SYT9: variants seen among roughly 807,000 people sequenced by gnomAD.
SYT9 encodes synaptotagmin-9.
Under a neutral mutation model 48.4 loss-of-function variants are expected in SYT9, and 22 were observed. The observed-to-expected ratio is 0.45, with a 90% CI of 0.32 to 0.65. SYT9 has a LOEUF of 0.65. SYT9 is among the 30% of genes least tolerant of loss of function. The pLI is 0.03. For synonymous variants in SYT9, 265 were observed against 245.0 expected (o/e 1.08, Z -0.76); for missense variants, 577 against 622.0 (o/e 0.93, Z 0.77).
chr11:7,437,436 T>A (rs1217802041), intron 6 of SYT9, among the ~76,000 whole-genome samples: 1 of 152,180 alleles, frequency 6.6e-6, no homozygotes, highest in African/African-American at 2.4e-5. Flanking sequence ...TCATTAAAAA[T>A]AGACTACTGG....
chr11:7,295,266 C>T (rs538268657), intron 1 of SYT9, among the ~76,000 whole-genome samples: 1 of 152,372 alleles, frequency 6.6e-6, no homozygotes, highest in African/African-American at 2.4e-5. Flanking sequence ...GAAATAGCTT[C>T]AGCTAAATAT....
At chr11:7,328,266 T>C (rs1589948502) in intron 3 of SYT9, among the ~76,000 whole-genome samples, 2 of 152,170 alleles carry the variant, frequency 1.3e-5, no homozygotes, top group East Asian at 3.9e-4. Context: ...GTGAGATTAG[T>C]ATATTTATGT....
intron 6 of SYT9, among the ~76,000 whole-genome samples, chr11:7,466,127 T>G (rs1400030539): frequency 6.6e-6 from 1 of 152,218 alleles, no homozygotes; most frequent in East Asian, 1.9e-4. Context: ...CTTTATTGCA[T>G]TCTGCCTTTG....
At chr11:7,422,287 A>G (rs1847370840) in intron 6 of SYT9, among the ~76,000 whole-genome samples, 1 of 152,194 alleles carries the variant, frequency 6.6e-6, no homozygotes, top group Non-Finnish European at 1.5e-5. Flanking sequence ...GGGTTTATGG[A>G]TTCTAACCAT....
chr11:7,318,093 C>CTTAT (rs2133959654), intron 3 of SYT9, among the ~76,000 whole-genome samples: 1 of 152,252 alleles, frequency 6.6e-6, no homozygotes, highest in South Asian at 2.1e-4. Flanking sequence ...TCTCCATTTA[C>CTTAT]TTATTCTTTT....
intron 3 of SYT9, among the ~76,000 whole-genome samples, chr11:7,403,254 A>C (rs545125909): frequency 6.6e-6 from 1 of 152,248 alleles, no homozygotes; most frequent in South Asian, 2.1e-4. Flanking sequence ...TCTTTGACCT[A>C]TGGATTATTT....
chr11:7,442,322 G>C (rs1462517489), intron 6 of SYT9, among the ~76,000 whole-genome samples: 1 of 152,192 alleles, frequency 6.6e-6, no homozygotes, highest in East Asian at 1.9e-4. Flanking sequence ...GCTGTGGCCT[G>C]CTTTTGGCTC....
chr11:7,334,325 A>G (rs1849596849), intron 3 of SYT9, among the ~76,000 whole-genome samples: 1 of 152,202 alleles, frequency 6.6e-6, no homozygotes. Flanking sequence ...ACTTTTTTAA[A>G]AAATCACTCT....
intron 6 of SYT9, among the ~76,000 whole-genome samples, chr11:7,449,930 CCT>C: frequency 6.6e-6 from 1 of 152,278 alleles, no homozygotes; most frequent in Middle Eastern, 3.4e-3. Context: ...CACCCCCTCC[CCT>C]GTGCCCAGCT....
upstream of SYT9, among the ~76,000 whole-genome samples, chr11:7,249,150 G>A (rs995591990): frequency 1.3e-5 from 2 of 152,074 alleles, no homozygotes; most frequent in African/African-American, 4.8e-5. Context: ...CAGTGACATC[G>A]GGAATTAGGG....
intron 3 of SYT9, among the ~76,000 whole-genome samples, chr11:7,401,748 T>C (rs995654656): frequency 1.3e-5 from 2 of 151,834 alleles, no homozygotes; most frequent in African/African-American, 2.4e-5. Flanking sequence ...CATTTTTATG[T>C]TGATAATTAA....
chr11:7,331,769 C>T (rs1042273900), intron 3 of SYT9, among the ~76,000 whole-genome samples: 3 of 152,124 alleles, frequency 2.0e-5, no homozygotes, highest in Non-Finnish European at 2.9e-5. Flanking sequence ...AGCAACCCCT[C>T]TATATATGCA....
At chr11:7,299,066 G>A (rs1848865370) in intron 1 of SYT9, among the ~76,000 whole-genome samples, 1 of 151,944 alleles carries the variant, frequency 6.6e-6, no homozygotes, top group Admixed American at 6.5e-5. Context: ...ATTATGTCAC[G>A]ACTATTTTTA....
chr11:7,417,725 A>G (rs1020316510), intron 4 of SYT9, among the ~76,000 whole-genome samples: 4 of 152,222 alleles, frequency 2.6e-5, no homozygotes, highest in African/African-American at 7.2e-5. Flanking sequence ...CTATTTTTAA[A>G]TTACACACAT....
chr11:7,281,459 A>C (rs1040325142), intron 1 of SYT9, among the ~76,000 whole-genome samples: 7 of 152,224 alleles, frequency 4.6e-5, no homozygotes, highest in African/African-American at 1.7e-4. Flanking sequence ...CAAGCCCTTC[A>C]GAATACAGTG....
At chr11:7,427,486 A>G (rs1370885828) in intron 6 of SYT9, 1 of 152,238 alleles carries the variant, frequency 6.6e-6, no homozygotes, top group Non-Finnish European at 1.5e-5. Context: ...ATGTCCTTTC[A>G]TAAGAGAGAA....
chr11:7,315,716 C>G (rs1362461972), intron 3 of SYT9, among the ~76,000 whole-genome samples: 2 of 152,176 alleles, frequency 1.3e-5, no homozygotes, highest in Non-Finnish European at 2.9e-5. Flanking sequence ...GGACAGGTTC[C>G]TGTGGAACAA....
At chr11:7,281,843 A>C (rs1053002086) in intron 1 of SYT9, among the ~76,000 whole-genome samples, 6 of 152,288 alleles carry the variant, frequency 3.9e-5, no homozygotes, top group Admixed American at 3.9e-4. Flanking sequence ...TCTCGCTGTT[A>C]TGCTTGTAAG....
intron 3 of SYT9, among the ~76,000 whole-genome samples, chr11:7,407,067 A>C (rs1017215749): frequency 1.8e-4 from 27 of 151,940 alleles, no homozygotes; most frequent in African/African-American, 6.5e-4. Flanking sequence ...AAAATTTTTT[A>C]GTTGTTTGAG....
Sources: gnomAD v4.1 joint callset for allele counts (sites outside exome capture counted in the v4.1 genomes callset) on GRCh38, gnomAD v4.1.1 for gene constraint, MANE v1.5 for transcripts, NCBI Gene and HGNC (gene_info 2026-07-23, HGNC 2026-07-21) for gene names.